RAB3GAP1: variants seen among roughly 807,000 people sequenced by gnomAD.
RAB3GAP1 encodes rab3 GTPase-activating protein catalytic subunit.
A neutral mutation model predicts 130.7 loss-of-function variants in RAB3GAP1; 86 were observed. The ratio of observed to expected loss-of-function variants is 0.66; its 90% CI spans 0.55 to 0.79. The LOEUF is 0.79. Ranked by LOEUF, RAB3GAP1 falls within the 30% of genes least tolerant of loss-of-function variation. RAB3GAP1 has a pLI of 0.00. For synonymous variants in RAB3GAP1, 367 were observed against 401.7 expected (o/e 0.91, Z 1.03); for missense variants, 1,029 against 1,169.4 (o/e 0.88, Z 1.75).
At chr2:135,148,524 TCTCA>T (rs1692072133) in intron 17 of RAB3GAP1, among the ~76,000 whole-genome samples, 1 of 149,272 alleles carries the variant, frequency 6.7e-6, no homozygotes, top group Non-Finnish European at 1.5e-5. Context: ...GTGACGGGAT[TCTCA>T]CTGTTACCGA....
chr2:135,094,171 GAACCCT>G (rs1447483421), intron 5 of RAB3GAP1, among the ~76,000 whole-genome samples: 2 of 150,672 alleles, frequency 1.3e-5, no homozygotes, highest in Non-Finnish European at 2.9e-5. Context: ...GGAATGGTGA[GAACCCT>G]CCCCAAATCC....
At chr2:135,144,832 G>A (rs1397683617) in intron 17 of RAB3GAP1, among the ~76,000 whole-genome samples, 1 of 152,154 alleles carries the variant, frequency 6.6e-6, no homozygotes, top group Non-Finnish European at 1.5e-5. Context: ...TGGTTCTTGT[G>A]TTGTAAATGC....
At chr2:135,098,629 A>C (rs1358606026) in intron 5 of RAB3GAP1, among the ~76,000 whole-genome samples, 1 of 152,192 alleles carries the variant, frequency 6.6e-6, no homozygotes, top group African/African-American at 2.4e-5. Flanking sequence ...AAGGGGTGGC[A>C]GTGGCCTGTA....
At chr2:135,066,609 T>C (rs532165823) in intron 3 of RAB3GAP1, among the ~76,000 whole-genome samples, 25 of 152,322 alleles carry the variant, frequency 1.6e-4, no homozygotes, top group Admixed American at 2.0e-4. Context: ...TTCAGAAATT[T>C]AAGTGTGTGT....
chr2:135,154,505 A>G (rs1465394392), intron 19 of RAB3GAP1, among the ~76,000 whole-genome samples: 1 of 152,180 alleles, frequency 6.6e-6, no homozygotes, highest in Admixed American at 6.5e-5. Context: ...ATGACCTTCA[A>G]ATTAACAGTA....
chr2:135,081,306 C>CAAAAAAAAAA (rs1169138978), intron 3 of RAB3GAP1, among the ~76,000 whole-genome samples: 14 of 13,208 alleles, frequency 1.1e-3, no homozygotes, highest in African/African-American at 2.7e-3. Context: ...GACTCCGTCT[C>CAAAAAAAAAA]AAAAAAAAAA....
chr2:135,120,313 A>G (rs933384744), intron 7 of RAB3GAP1, among the ~76,000 whole-genome samples: 1 of 152,220 alleles, frequency 6.6e-6, no homozygotes, highest in Non-Finnish European at 1.5e-5. Context: ...TTTTAAAGCT[A>G]TGGCATTGTT....
chr2:135,168,689 T>G lies in RAB3GAP1; in HGVS notation c.2854T>G (p.Ser952Ala). 1 of 1,614,158 alleles carries G rather than the reference T, an allele frequency of 6.2e-7. No homozygotes were observed. The highest frequency in any genetic ancestry group is 8.5e-7 in the Non-Finnish European group (1 of 1,180,024). Residue 952 changes from serine to alanine, a missense_variant, in exon 24 of 24, where the codon TCC becomes GCC. Physicochemically the swap from Ser to Ala is moderately conservative, Grantham distance 99. This residue lies in a region of RAB3GAP1 where 146 missense variants were observed against 143.7 expected (regional missense o/e 1.02). Coordinates refer to ENST00000264158, the MANE Select transcript of RAB3GAP1 (RefSeq NM_012233.3). ...RTTVPRPAPYSKALPQRMYSV... is the reference protein window; with the variant it reads ...RTTVPRPAPYAKALPQRMYSV... The stretch of plus-strand genomic sequence containing the variant: ...CACTGTGCCGCGCCCTGCTCCCTAC[T>G]CCAAAGCTCTGCCTCAGCGGATGTA...
Position 135,105,946 on chromosome 2 carries a change from C to T in RAB3GAP1, c.363-7205C>T, listed in dbSNP as rs537487084. ...GCCCCGTCTGAGAAGTGAGGAGCCC[C>T]TCCGCTCGGCAGCCGCCCCGTCTGA... On this transcript the variant is annotated intron_variant, in intron 5 of 23. Coordinates refer to ENST00000264158, the MANE Select transcript of RAB3GAP1 (RefSeq NM_012233.3). 9.8e-3 allele frequency among the ~76,000 whole-genome samples: 1,489 copies of T among 151,892 alleles called. 22 individuals carry two copies. The highest frequency in any genetic ancestry group is 0.034 in the African/African-American group (1,418 of 41,362).
intron 3 of RAB3GAP1, among the ~76,000 whole-genome samples, chr2:135,082,683 C>T (rs1379986348): frequency 3.9e-5 from 6 of 152,068 alleles, no homozygotes; most frequent in Non-Finnish European, 5.9e-5. Context: ...TCAGGTGATC[C>T]ACCTGCCTCG....
At chr2:135,104,843 A>G (rs1222284943) in intron 5 of RAB3GAP1, among the ~76,000 whole-genome samples, 2 of 152,134 alleles carry the variant, frequency 1.3e-5, no homozygotes, top group African/African-American at 4.8e-5. Context: ...AAGTTGAGAT[A>G]CTGCCACGGC....
chr2:135,098,149 A>G (rs1184009519), intron 5 of RAB3GAP1, among the ~76,000 whole-genome samples: 1 of 152,100 alleles, frequency 6.6e-6, no homozygotes, highest in Non-Finnish European at 1.5e-5. Context: ...TCTTCTCTGT[A>G]TTAACAGTGT....
At chr2:135,163,923 T>A (rs1692546779) in intron 22 of RAB3GAP1, among the ~76,000 whole-genome samples, 1 of 152,252 alleles carries the variant, frequency 6.6e-6, no homozygotes, top group African/African-American at 2.4e-5. Context: ...CCACACTGCT[T>A]TGCTCTTGAA....
rs1389385657 is a variant in RAB3GAP1, at chr2:135,077,262, TC to T, written c.151-13734del. Reference sequence around the variant, plus strand: ...TCCAGCCTGGGCGACAGAGCAAGACTCCATCTCAACAACAACAACAACAACA... The same window carrying T: ...TCCAGCCTGGGCGACAGAGCAAGACTCATCTCAACAACAACAACAACAACA... On this transcript the variant is annotated intron_variant, in intron 3 of 23. Coordinates refer to ENST00000264158, the MANE Select transcript of RAB3GAP1 (RefSeq NM_012233.3). Among the ~76,000 whole-genome samples the T allele has an allele frequency of 2.7e-5, 4 of 147,184 alleles. No homozygotes were observed. In the East Asian group the frequency reaches 8.0e-4, roughly 29 times the overall value.
At chr2:135,055,462 G>C (rs1465122064) in intron 2 of RAB3GAP1, among the ~76,000 whole-genome samples, 1 of 152,148 alleles carries the variant, frequency 6.6e-6, no homozygotes, top group East Asian at 1.9e-4. Flanking sequence ...CAGATCACTT[G>C]AGCTCAGGAG....
At chr2:135,070,441 C>G (rs752092711) in intron 3 of RAB3GAP1, among the ~76,000 whole-genome samples, 1 of 152,124 alleles carries the variant, frequency 6.6e-6, no homozygotes. Flanking sequence ...TTCTTTCTGT[C>G]TTTAGTTTTT....
chr2:135,117,534 T>G (rs183702832), intron 7 of RAB3GAP1, among the ~76,000 whole-genome samples: 19 of 70,118 alleles, frequency 2.7e-4, no homozygotes, highest in South Asian at 2.4e-3. Context: ...TTCTTCTGCT[T>G]CTTCTTCTGC....
chr2:135,162,438 TG>T, intron 19 of RAB3GAP1, 116 bp from the exon 20 acceptor site: 1 of 777,470 alleles, frequency 1.3e-6, no homozygotes, highest in Non-Finnish European at 2.2e-6. Flanking sequence ...GCTGCCTATC[TG>T]GAGTGCTGTC....
intron 3 of RAB3GAP1, among the ~76,000 whole-genome samples, 175 bp from the exon 4 acceptor site, chr2:135,090,823 T>C (rs1477077829): frequency 6.6e-6 from 1 of 152,194 alleles, no homozygotes; most frequent in African/African-American, 2.4e-5. Context: ...AAAGGAACAC[T>C]GATAAATCAT....
Sources: gnomAD v4.1 joint callset for allele counts (sites outside exome capture counted in the v4.1 genomes callset) on GRCh38, gnomAD v4.1.1 for gene constraint, gnomAD v4.1.1 regional missense constraint, MANE v1.5 for transcripts, NCBI Gene and HGNC (gene_info 2026-07-23, HGNC 2026-07-21) for gene names.